The following STPG2 variants were observed in gnomAD, a reference collection of about 807,000 sequenced individuals.
The protein encoded by STPG2 is sperm-tail PG-rich repeat-containing protein 2.
Under a neutral mutation model 54.2 loss-of-function variants are expected in STPG2, and 56 were observed. The observed-to-expected ratio is 1.03, with a 90% CI of 0.83 to 1.29. The LOEUF (loss-of-function observed/expected upper bound fraction) is 1.29. Among genes scored for constraint, STPG2 ranks in the 50% most tolerant of loss-of-function variants. The pLI, the probability that STPG2 is intolerant of heterozygous loss-of-function variation, is 0.00. For missense variants in STPG2, 596 were observed against 544.9 expected, an observed-to-expected ratio of 1.09 and a Z score of -0.93; for synonymous variants, 200 against 181.8, an observed-to-expected ratio of 1.10 and a Z score of -0.81.
intron 5 of STPG2, among the ~76,000 whole-genome samples, chr4:98,060,238 A>G (rs1737601840): frequency 6.6e-6 from 1 of 152,218 alleles, no homozygotes; most frequent in South Asian, 2.1e-4. Context: ...TACAAAATCA[A>G]TGTGCAAAAA....
At chr4:97,927,747 A>ACTTAAACTTTAAACTCTGCGC (rs1239265635) in intron 8 of STPG2, among the ~76,000 whole-genome samples, 2 of 152,096 alleles carry the variant, frequency 1.3e-5, no homozygotes, top group Non-Finnish European at 2.9e-5. Flanking sequence ...TGGCTCTGCA[A>ACTTAAACTTTAAACTCTGCGC]CTTAAACTTT....
At chr4:97,581,762 C>T (rs1220481989) in intron 10 of STPG2, among the ~76,000 whole-genome samples, 4 of 151,960 alleles carry the variant, frequency 2.6e-5, no homozygotes, top group African/African-American at 4.8e-5. Flanking sequence ...ATAGCTATAA[C>T]GTGCTTAGAA....
chr4:97,459,116 T>C (rs1261700930), intron 4 of STPG2, among the ~76,000 whole-genome samples: 3 of 152,058 alleles, frequency 2.0e-5, no homozygotes, highest in African/African-American at 7.2e-5. Context: ...CAATATATAA[T>C]TTCCTACGAA....
At chr4:97,903,905 G>A (rs1169004538) in intron 8 of STPG2, among the ~76,000 whole-genome samples, 2 of 152,212 alleles carry the variant, frequency 1.3e-5, no homozygotes, top group Non-Finnish European at 2.9e-5. Flanking sequence ...CTTAAAAAAT[G>A]GCGCACCACG....
chr4:97,786,403 G>T (rs575831700), intron 9 of STPG2, among the ~76,000 whole-genome samples: 1 of 151,764 alleles, frequency 6.6e-6, no homozygotes, highest in Admixed American at 6.6e-5. Flanking sequence ...CTAAAGAGTC[G>T]ACATTTTTGA....
chr4:98,069,970 A>C (rs1578829810), intron 5 of STPG2, among the ~76,000 whole-genome samples: 2 of 152,026 alleles, frequency 1.3e-5, no homozygotes, highest in Non-Finnish European at 2.9e-5. Flanking sequence ...AAAAAGAGCT[A>C]GTACCATTTC....
chr4:97,728,052 T>C (rs563402085), intron 9 of STPG2, among the ~76,000 whole-genome samples: 1 of 152,154 alleles, frequency 6.6e-6, no homozygotes, highest in African/African-American at 2.4e-5. Context: ...ATGCATATTA[T>C]CTAATCAGAC....
rs532205725 is a variant in STPG2, at chr4:98,049,328, A to G, written c.612+56625T>C. Among the ~76,000 whole-genome samples the G allele has an allele frequency of 3.3e-5, 5 of 152,328 alleles. No homozygotes were observed. The East Asian group carries it at 5.8e-4, about 18-fold the overall frequency. On this transcript the variant is annotated intron_variant, in intron 5 of 10. Coordinates refer to ENST00000295268, the MANE Select transcript of STPG2 (RefSeq NM_174952.3). ...ACTTTGGTTGAATTACTTAACCTGC[A>G]TGAGCTTGAGCTTCCTCAGCTTCAG...
At chr4:97,512,469 G>A (rs911081647) in intron 4 of STPG2, among the ~76,000 whole-genome samples, 2 of 152,086 alleles carry the variant, frequency 1.3e-5, no homozygotes, top group South Asian at 2.1e-4. Flanking sequence ...TGGGAAAGAT[G>A]TGGTCTGGAT....
At chr4:97,906,285 C>A (rs1021528897) in intron 8 of STPG2, among the ~76,000 whole-genome samples, 1 of 152,098 alleles carries the variant, frequency 6.6e-6, no homozygotes, top group African/African-American at 2.4e-5. Context: ...ATAAATTCCT[C>A]GAAACATACA....
At chr4:98,048,926 A>C (rs921523347) in intron 5 of STPG2, 1 of 153,092 alleles carries the variant, frequency 6.5e-6, no homozygotes, top group African/African-American at 2.4e-5. Context: ...GAAGTCAAAA[A>C]AATGATTGGA....
At position 97,944,260 on chromosome 4, in the gene STPG2, A is replaced by G. The variant is rs982489771; in HGVS notation, c.934-253T>C. ...TATAATGGATCTGCACACATTACTTAAACATATTAGCTATGTTCTATTTCA... is the reference window on the plus strand; with the variant it reads ...TATAATGGATCTGCACACATTACTTGAACATATTAGCTATGTTCTATTTCA... On this transcript the variant is annotated intron_variant, in intron 7 of 10. Transcript: ENST00000295268. Among the ~76,000 whole-genome samples the G allele has an allele frequency of 3.3e-5, 5 of 152,118 alleles. No individual in the cohort carries two copies. The East Asian group carries it at 9.6e-4, about 29-fold the overall frequency.
At chr4:97,964,987 G>T (rs2149251006) in intron 7 of STPG2, among the ~76,000 whole-genome samples, 1 of 152,262 alleles carries the variant, frequency 6.6e-6, no homozygotes. Flanking sequence ...ACTGGGACTT[G>T]TTGGACAGTG....
At chr4:97,872,818 C>G (rs753937269) in intron 8 of STPG2, among the ~76,000 whole-genome samples, 30 of 151,124 alleles carry the variant, frequency 2.0e-4, no homozygotes, top group Non-Finnish European at 3.9e-4. Flanking sequence ...CAAATTACCC[C>G]AGATATAGTC....
chr4:97,643,455 T>C (rs960483659), intron 10 of STPG2, among the ~76,000 whole-genome samples: 1 of 151,540 alleles, frequency 6.6e-6, no homozygotes, highest in Non-Finnish European at 1.5e-5. Flanking sequence ...AGTACAGCAT[T>C]TTTGAAACAG....
At chr4:97,452,146 C>T (rs911208702) in intron 4 of STPG2, among the ~76,000 whole-genome samples, 1 of 138,224 alleles carries the variant, frequency 7.2e-6, no homozygotes, top group Non-Finnish European at 1.6e-5. Flanking sequence ...GCCCCCAGCA[C>T]AGCTGCAGCT....
chr4:97,888,231 A>C (rs1041474910), intron 8 of STPG2, among the ~76,000 whole-genome samples: 2 of 152,124 alleles, frequency 1.3e-5, no homozygotes, highest in African/African-American at 2.4e-5. Context: ...CTGTGATAAG[A>C]GGGCCACCAT....
chr4:97,566,786 G>GA (rs1732460331), intron 10 of STPG2, among the ~76,000 whole-genome samples: 1 of 149,830 alleles, frequency 6.7e-6, no homozygotes, highest in African/African-American at 2.5e-5. Context: ...ACAAGAACAA[G>GA]AAACCAAACA....
intron 10 of STPG2, among the ~76,000 whole-genome samples, chr4:97,704,357 C>T (rs1436510702): frequency 6.6e-6 from 1 of 152,096 alleles, no homozygotes; most frequent in East Asian, 1.9e-4. Flanking sequence ...GAAATACTTC[C>T]ATAATATGTC....
Sources: allele counts gnomAD v4.1 joint callset (sites outside exome capture counted in the v4.1 genomes callset), GRCh38; gene constraint gnomAD v4.1.1; transcripts MANE v1.5; gene names NCBI Gene and HGNC (gene_info 2026-07-23, HGNC 2026-07-21).